The following TTC28 variants were observed in gnomAD, a reference collection of about 807,000 sequenced individuals.
The protein encoded by TTC28 is tetratricopeptide repeat domain 28.
In TTC28, 61 loss-of-function variants were observed where a neutral mutation model predicts 198.0. That is an observed-to-expected ratio of 0.31 (90% confidence interval 0.25 to 0.38). The LOEUF (loss-of-function observed/expected upper bound fraction) is 0.38. Ranked by LOEUF, TTC28 falls within the 10% of genes least tolerant of loss-of-function variation. The probability of loss-of-function intolerance (pLI) is 1.00; values close to 1 mark genes in which losing one functional copy is unlikely to be tolerated. For synonymous variants in TTC28, 1,171 were observed against 1,297.8 expected, an observed-to-expected ratio of 0.90 and a Z score of 2.10; for missense variants, 2,678 against 3,164.0, an observed-to-expected ratio of 0.85 and a Z score of 3.69.
At chr22:28,176,975 A>G (rs185155463) in intron 5 of TTC28, among the ~76,000 whole-genome samples, 91 of 152,344 alleles carry the variant, frequency 6.0e-4, no homozygotes, top group Non-Finnish European at 1.2e-3. Flanking sequence ...AATCTACATG[A>G]CCTTTATATA....
At chr22:28,439,961 G>T (rs942372479) in intron 2 of TTC28, among the ~76,000 whole-genome samples, 1 of 152,022 alleles carries the variant, frequency 6.6e-6, no homozygotes, top group Non-Finnish European at 1.5e-5. Context: ...TCAGCCTCCT[G>T]AGTAGCTGGG....
intron 6 of TTC28, among the ~76,000 whole-genome samples, chr22:28,154,193 C>CA (rs1434748768): frequency 3.3e-5 from 5 of 152,068 alleles, no homozygotes; most frequent in Non-Finnish European, 5.9e-5. Context: ...ACCTACTCTG[C>CA]AGCACATCTG....
intron 12 of TTC28, among the ~76,000 whole-genome samples, chr22:28,085,789 T>C (rs1334476001): frequency 1.3e-5 from 2 of 151,934 alleles, no homozygotes; most frequent in Non-Finnish European, 2.9e-5. Flanking sequence ...GAGACACACA[T>C]AGGCTCAAAA....
chr22:28,268,555 G>A (rs895150847), intron 5 of TTC28, among the ~76,000 whole-genome samples: 3 of 152,182 alleles, frequency 2.0e-5, no homozygotes, highest in East Asian at 1.9e-4. Context: ...ACCAGAGCAG[G>A]CTCTGTGACA....
At position 28,459,402 on chromosome 22, in the gene TTC28, G is replaced by A. The variant is rs2047914398; in HGVS notation, c.382-152759C>T. 2.0e-5 allele frequency among the ~76,000 whole-genome samples: 3 copies of A among 152,084 alleles called. No individual in the cohort carries two copies. In the South Asian group the frequency reaches 6.2e-4, roughly 32 times the overall value. On this transcript the variant is annotated intron_variant, in intron 2 of 22. Coordinates refer to ENST00000397906, the MANE Select transcript of TTC28 (RefSeq NM_001145418.2). ...GCCAAGATGGCACGACTGCACTCCA[G>A]CCTGGGTGACAGAGTGAGACCCGGT... is the stretch of plus-strand genomic sequence containing the variant.
chr22:28,524,319 G>C (rs5762668), intron 2 of TTC28, among the ~76,000 whole-genome samples: 84,159 of 151,444 alleles, frequency 0.56, 24,241 homozygotes, highest in African/African-American at 0.68. Flanking sequence ...AATTGGCCGG[G>C]CATGGTGGCG....
At chr22:28,167,324 G>A (rs919912854) in intron 5 of TTC28, among the ~76,000 whole-genome samples, 1 of 152,216 alleles carries the variant, frequency 6.6e-6, no homozygotes, top group Admixed American at 6.5e-5. Context: ...CTCATCTTAT[G>A]AGGCCAGCAT....
At chr22:28,401,775 A>G (rs1461526663) in intron 2 of TTC28, among the ~76,000 whole-genome samples, 3 of 152,214 alleles carry the variant, frequency 2.0e-5, no homozygotes, top group Non-Finnish European at 4.4e-5. Context: ...ATCTCTACAA[A>G]AAAAATTTTT....
At chr22:28,345,624 A>G (rs1293643733) in intron 2 of TTC28, among the ~76,000 whole-genome samples, 2 of 152,216 alleles carry the variant, frequency 1.3e-5, no homozygotes, top group African/African-American at 4.8e-5. Flanking sequence ...ATCATCACAA[A>G]AACACTGATG....
intron 13 of TTC28, chr22:28,029,140 G>A (rs1406078446): frequency 4.2e-6 from 2 of 471,008 alleles, no homozygotes; most frequent in Admixed American, 4.7e-5. Context: ...AAAGCCATGA[G>A]GGACACCTGT....
At chr22:28,539,478 A>G (rs2049364587) in intron 2 of TTC28, among the ~76,000 whole-genome samples, 1 of 151,972 alleles carries the variant, frequency 6.6e-6, no homozygotes, top group Admixed American at 6.6e-5. Flanking sequence ...CTATAAAAAT[A>G]TACAAAACTT....
In TTC28 at chr22:27,982,801, T is replaced by A. The variant is rs753111680; in HGVS notation, c.6866A>T (p.Lys2289Met). The A allele has an allele frequency of 1.9e-6, 3 of 1,543,786 alleles. No homozygotes were observed. Among genetic ancestry groups the A allele is most frequent in the African/African-American group, 2.8e-5 (2 of 72,720 alleles). Residue 2289 changes from lysine to methionine, a missense_variant, in exon 23 of 23, where the codon AAG becomes ATG. Physicochemically the swap from Lys to Met is moderately conservative, Grantham distance 95. Coordinates refer to ENST00000397906, the MANE Select transcript of TTC28 (RefSeq NM_001145418.2). This position sits in a 1 kb window ranked among gnomAD's most constrained non-coding sequence, Gnocchi z 5.2. ...AGCGCTGTAAGGAGAGCTGGGGTAC[T>A]TCAGTTTAAAGAGAGGCTGGTCCAG... ...SQLDQPLFKL[K>M]YPSSPYSAHI...
intron 5 of TTC28, among the ~76,000 whole-genome samples, chr22:28,216,134 A>T (rs1015738671): frequency 6.6e-6 from 1 of 152,194 alleles, no homozygotes; most frequent in Admixed American, 6.5e-5. Flanking sequence ...CAGCACAGCA[A>T]TGAGACAGAG....
chr22:28,336,113 T>G (rs1235691282), intron 2 of TTC28, among the ~76,000 whole-genome samples: 1 of 152,244 alleles, frequency 6.6e-6, no homozygotes, highest in African/African-American at 2.4e-5. Context: ...GTTTTTGTCA[T>G]TGCTTCTGTT....
chr22:28,144,918 G>A, intron 6 of TTC28, among the ~76,000 whole-genome samples: 1 of 152,200 alleles, frequency 6.6e-6, no homozygotes, highest in African/African-American at 2.4e-5. Context: ...TAAAGGAAGG[G>A]GTGTTTCCTC....
intron 2 of TTC28, among the ~76,000 whole-genome samples, chr22:28,314,962 T>A (rs371270662): frequency 5.3e-5 from 8 of 152,222 alleles, no homozygotes; most frequent in African/African-American, 1.9e-4. Flanking sequence ...CGCTGGGGAT[T>A]GTTTGTTTGC....
At chr22:28,387,013 G>GAAC in intron 2 of TTC28, among the ~76,000 whole-genome samples, 1 of 151,774 alleles carries the variant, frequency 6.6e-6, no homozygotes, top group Non-Finnish European at 1.5e-5. Context: ...CCCAAAACAG[G>GAAC]CCCCAGAGTG....
At chr22:28,394,121 T>C (rs2046777215) in intron 2 of TTC28, among the ~76,000 whole-genome samples, 1 of 152,308 alleles carries the variant, frequency 6.6e-6, no homozygotes, top group Admixed American at 6.5e-5. Context: ...ATATAATCTA[T>C]GGCAACCTCC....
At chr22:28,126,907 T>G (rs1287827576) in intron 6 of TTC28, among the ~76,000 whole-genome samples, 2 of 152,004 alleles carry the variant, frequency 1.3e-5, no homozygotes, top group Non-Finnish European at 2.9e-5. Flanking sequence ...GGAAGAAGAG[T>G]TCTATAGAAC....
Sources: gnomAD v4.1 joint callset for allele counts (sites outside exome capture counted in the v4.1 genomes callset) on GRCh38, gnomAD v4.1.1 for gene constraint, Gnocchi (gnomAD v3.1) non-coding constraint, MANE v1.5 for transcripts, NCBI Gene and HGNC (gene_info 2026-07-23, HGNC 2026-07-21) for gene names.